The following SYT16 variants were observed in gnomAD, a reference collection of about 807,000 sequenced individuals.
SYT16 encodes synaptotagmin-16.
SYT16 carries 42 observed loss-of-function variants against 61.4 expected under a neutral mutation model. The observed-to-expected ratio is 0.68, with a 90% CI of 0.53 to 0.89. The LOEUF is 0.89. Among genes scored for constraint, SYT16 ranks in the 40% least tolerant of loss-of-function variants. The pLI is 0.00. For missense variants in SYT16, 804 were observed against 807.3 expected, an observed-to-expected ratio of 1.00 and a Z score of 0.05; for synonymous variants, 314 against 302.3, an observed-to-expected ratio of 1.04 and a Z score of -0.40.
At chr14:61,936,702 G>A (rs533663780) in intron 1 of SYT16, among the ~76,000 whole-genome samples, 7 of 151,994 alleles carry the variant, frequency 4.6e-5, no homozygotes, top group South Asian at 2.1e-4. Context: ...CCCCTCCTCC[G>A]TTCTATGTCT....
chr14:62,093,343 A>G (rs2057159698), intron 7 of SYT16, among the ~76,000 whole-genome samples: 1 of 152,122 alleles, frequency 6.6e-6, no homozygotes, highest in African/African-American at 2.4e-5. Context: ...TGATAAATAG[A>G]AAGCACAAAC....
intron 7 of SYT16, among the ~76,000 whole-genome samples, chr14:62,087,477 C>A (rs536163753): frequency 6.6e-6 from 1 of 152,158 alleles, no homozygotes; most frequent in African/African-American, 2.4e-5. Context: ...TCAATCATGC[C>A]CGACGGGGCG....
intron 1 of SYT16, among the ~76,000 whole-genome samples, chr14:61,848,094 T>C (rs770449905): frequency 1.3e-5 from 2 of 152,346 alleles, no homozygotes; most frequent in Non-Finnish European, 2.9e-5. Flanking sequence ...CATGTTTTCC[T>C]GTATGGTCTT....
At chr14:62,051,918 G>T (rs1249527333) in intron 3 of SYT16, among the ~76,000 whole-genome samples, 3 of 152,172 alleles carry the variant, frequency 2.0e-5, no homozygotes, top group Admixed American at 1.3e-4. Flanking sequence ...TGTAGTCTCA[G>T]TTCCTTGGGA....
At position 62,079,666 on chromosome 14, in the gene SYT16, G is replaced by T. The variant is rs571821582; in HGVS notation, c.994-1168G>T. 9.8e-5 allele frequency among the ~76,000 whole-genome samples: 15 copies of T among 152,332 alleles called. No individual in the cohort carries two copies. The East Asian group carries it at 2.9e-3, about 29-fold the overall frequency. ...AATTAGCAAGTTCTGGTGTTCAATT[G>T]CATAAATAAGAACTGGTTTGCAATA... On this transcript the variant is annotated intron_variant, in intron 5 of 7. Coordinates refer to ENST00000683842, the MANE Select transcript of SYT16 (RefSeq NM_001367656.1).
At chr14:61,895,129 A>C (rs1206961229) in intron 1 of SYT16, among the ~76,000 whole-genome samples, 1 of 152,238 alleles carries the variant, frequency 6.6e-6, no homozygotes, top group Non-Finnish European at 1.5e-5. Context: ...TATCAGAGGA[A>C]GAATAAAGGA....
At chr14:61,918,432 A>G (rs2049202155) in intron 1 of SYT16, among the ~76,000 whole-genome samples, 1 of 152,140 alleles carries the variant, frequency 6.6e-6, no homozygotes, top group South Asian at 2.1e-4. Flanking sequence ...AAAAGAGGGG[A>G]AATACAGAAG....
intron 3 of SYT16, among the ~76,000 whole-genome samples, chr14:62,017,188 G>C (rs2053722945): frequency 6.6e-6 from 1 of 152,162 alleles, no homozygotes; most frequent in Non-Finnish European, 1.5e-5. Context: ...TAATTCTTTA[G>C]AGATCCAAAG....
chr14:62,016,405 T>G (rs955013209), intron 3 of SYT16, among the ~76,000 whole-genome samples: 6 of 152,080 alleles, frequency 3.9e-5, no homozygotes, highest in Non-Finnish European at 7.4e-5. Flanking sequence ...TTTAAAGTTA[T>G]GGCATTGGCC....
chr14:61,842,379 C>A (rs938147577), intron 1 of SYT16, among the ~76,000 whole-genome samples: 11 of 152,012 alleles, frequency 7.2e-5, no homozygotes, highest in Admixed American at 3.3e-4. Context: ...TCCATGAGTT[C>A]GATTGCTTTG....
chr14:62,096,294 T>C (rs990766625), intron 7 of SYT16, among the ~76,000 whole-genome samples: 3 of 152,214 alleles, frequency 2.0e-5, no homozygotes, highest in African/African-American at 7.2e-5. Context: ...TAGCAATTAA[T>C]ACAACTGGCA....
chr14:62,010,172 T>G (rs1386686500), intron 3 of SYT16, among the ~76,000 whole-genome samples: 1 of 152,238 alleles, frequency 6.6e-6, no homozygotes, highest in East Asian at 1.9e-4. Context: ...GCAGGTAAAC[T>G]GCCACTTTCT....
intron 1 of SYT16, among the ~76,000 whole-genome samples, chr14:61,850,576 T>A (rs1420548891): frequency 6.6e-6 from 1 of 152,264 alleles, no homozygotes; most frequent in Admixed American, 6.5e-5. Context: ...AAAACATTTT[T>A]ATCTAACTTT....
At chr14:61,931,487 A>G (rs940073934) in intron 1 of SYT16, among the ~76,000 whole-genome samples, 1 of 152,140 alleles carries the variant, frequency 6.6e-6, no homozygotes, top group Non-Finnish European at 1.5e-5. Flanking sequence ...TATTATTTTG[A>G]TGTATAGCTT....
chr14:61,851,993 A>G (rs1208701510), intron 1 of SYT16, among the ~76,000 whole-genome samples: 1 of 152,200 alleles, frequency 6.6e-6, no homozygotes, highest in African/African-American at 2.4e-5. Flanking sequence ...TATATCCTGA[A>G]TTCAATGCCT....
At chr14:61,931,013 C>T (rs2049744236) in intron 1 of SYT16, among the ~76,000 whole-genome samples, 1 of 152,174 alleles carries the variant, frequency 6.6e-6, no homozygotes, top group Non-Finnish European at 1.5e-5. Context: ...AATGTGTACT[C>T]TTTTAAGCTA....
intron 2 of SYT16, among the ~76,000 whole-genome samples, chr14:61,978,204 G>A (rs2051902433): frequency 6.6e-6 from 1 of 152,090 alleles, no homozygotes; most frequent in South Asian, 2.1e-4. Context: ...CATATCTCTG[G>A]GGAGCTACCA....
intron 1 of SYT16, among the ~76,000 whole-genome samples, chr14:61,880,265 A>G (rs1411500700): frequency 2.0e-5 from 3 of 152,232 alleles, no homozygotes; most frequent in African/African-American, 7.2e-5. Flanking sequence ...TATAGTCTTA[A>G]TCATGTAATA....
At chr14:61,888,399 T>C (rs1373492142) in intron 1 of SYT16, among the ~76,000 whole-genome samples, 1 of 152,184 alleles carries the variant, frequency 6.6e-6, no homozygotes, top group African/African-American at 2.4e-5. Context: ...ATTACAGGCA[T>C]GAGCCACCAT....
Sources: gnomAD v4.1 joint callset for allele counts (sites outside exome capture counted in the v4.1 genomes callset) on GRCh38, gnomAD v4.1.1 for gene constraint, MANE v1.5 for transcripts, NCBI Gene and HGNC (gene_info 2026-07-23, HGNC 2026-07-21) for gene names.